LPAR1: variants seen among roughly 807,000 people sequenced by gnomAD.
LPAR1 encodes LPA receptor 1.
A neutral mutation model predicts 23.8 loss-of-function variants in LPAR1; 5 were observed. That is an observed-to-expected ratio of 0.21 (90% CI 0.11 to 0.44). LPAR1 has a LOEUF of 0.44. Among genes scored for constraint, LPAR1 ranks in the 20% least tolerant of loss-of-function variants. The pLI is 0.99. For missense variants in LPAR1, 311 were observed against 482.8 expected, an observed-to-expected ratio of 0.64 and a Z score of 3.33; for synonymous variants, 160 against 164.7, an observed-to-expected ratio of 0.97 and a Z score of 0.22.
chr9:110,992,689 C>G (rs2096919629), intron 2 of LPAR1, among the ~76,000 whole-genome samples: 1 of 151,826 alleles, frequency 6.6e-6, no homozygotes, highest in Admixed American at 6.6e-5. Context: ...ATAATACTAT[C>G]TATCACTCTC....
chr9:110,932,659 G>C (rs1418197009), intron 5 of LPAR1, among the ~76,000 whole-genome samples: 3 of 152,260 alleles, frequency 2.0e-5, no homozygotes, highest in African/African-American at 7.2e-5. Flanking sequence ...ATTACTGCTT[G>C]AGCTCTGCCT....
chr9:111,024,826 T>C (rs1302743337), intron 2 of LPAR1, among the ~76,000 whole-genome samples: 1 of 152,062 alleles, frequency 6.6e-6, no homozygotes, highest in Admixed American at 6.5e-5. Flanking sequence ...TTGTGTTAGT[T>C]TGCTGAGAAT....
At chr9:110,877,240 G>A (rs1350275515) in intron 5 of LPAR1, among the ~76,000 whole-genome samples, 1 of 152,168 alleles carries the variant, frequency 6.6e-6, no homozygotes, top group Non-Finnish European at 1.5e-5. Flanking sequence ...TTTCAGCAGG[G>A]AAATGAAAAT....
At chr9:110,959,308 G>A (rs553581634) in intron 4 of LPAR1, among the ~76,000 whole-genome samples, 1 of 151,890 alleles carries the variant, frequency 6.6e-6, no homozygotes, top group East Asian at 1.9e-4. Context: ...GGGAGGAAAG[G>A]AGGAAAGGAG....
intron 5 of LPAR1, among the ~76,000 whole-genome samples, chr9:110,921,651 T>C (rs1338909813): frequency 6.6e-6 from 1 of 152,206 alleles, no homozygotes; most frequent in Non-Finnish European, 1.5e-5. Flanking sequence ...CTGTTTCAAA[T>C]ACATTTTCCG....
At chr9:110,993,466 G>A (rs1644911118) in intron 2 of LPAR1, among the ~76,000 whole-genome samples, 1 of 152,116 alleles carries the variant, frequency 6.6e-6, no homozygotes, top group Admixed American at 6.6e-5. Flanking sequence ...TCCAAGGGCA[G>A]CCCAACGCAG....
intron 5 of LPAR1, among the ~76,000 whole-genome samples, chr9:110,907,916 A>AAC (rs35043548): frequency 0.17 from 23,835 of 139,562 alleles, 1,917 homozygotes; most frequent in Middle Eastern, 0.21. Flanking sequence ...CCTTTGACAA[A>AAC]ACACACACAC....
At chr9:110,912,349 C>A (rs1588279365) in intron 5 of LPAR1, among the ~76,000 whole-genome samples, 1 of 152,152 alleles carries the variant, frequency 6.6e-6, no homozygotes. Flanking sequence ...ATTCTGATTT[C>A]TTTACAAATG....
At chr9:110,980,747 T>C (rs2096650025) in intron 2 of LPAR1, among the ~76,000 whole-genome samples, 2 of 151,972 alleles carry the variant, frequency 1.3e-5, no homozygotes. Flanking sequence ...CAACAATTTA[T>C]TGTATTTTTT....
intron 5 of LPAR1, among the ~76,000 whole-genome samples, chr9:110,931,854 G>C (rs1478054946): frequency 2.0e-5 from 3 of 152,194 alleles, no homozygotes; most frequent in African/African-American, 7.2e-5. Context: ...TTATTTCTGA[G>C]GGCTCTGTTC....
chr9:111,020,836 A>T (rs572127058), intron 2 of LPAR1, among the ~76,000 whole-genome samples: 138 of 152,256 alleles, frequency 9.1e-4, no homozygotes, highest in Middle Eastern at 3.4e-3. Context: ...ACAACAAATT[A>T]AAAAAATCAA....
chr9:110,940,679 G>A (rs745694761), intron 5 of LPAR1, among the ~76,000 whole-genome samples: 6 of 152,178 alleles, frequency 3.9e-5, no homozygotes, highest in African/African-American at 1.2e-4. Context: ...AGCACAGAGC[G>A]TAGAACATAG....
intron 2 of LPAR1, among the ~76,000 whole-genome samples, chr9:110,975,993 T>C (rs1408729403): frequency 6.6e-6 from 1 of 152,132 alleles, no homozygotes; most frequent in Non-Finnish European, 1.5e-5. Flanking sequence ...AGTCTTAAAA[T>C]TATATCATGA....
intron 2 of LPAR1, among the ~76,000 whole-genome samples, chr9:111,006,100 G>A (rs1473228669): frequency 1.3e-5 from 2 of 152,196 alleles, no homozygotes; most frequent in South Asian, 4.1e-4. Flanking sequence ...AGGAATTAAT[G>A]AAGGCATATA....
At chr9:110,891,013 C>T (rs1455497144) in intron 5 of LPAR1, among the ~76,000 whole-genome samples, 1 of 152,048 alleles carries the variant, frequency 6.6e-6, no homozygotes, top group Non-Finnish European at 1.5e-5. Flanking sequence ...AAGTATTCCA[C>T]TAATATAAGG....
intron 5 of LPAR1, among the ~76,000 whole-genome samples, chr9:110,881,960 C>G (rs2080996754): frequency 6.6e-6 from 1 of 152,154 alleles, no homozygotes; most frequent in African/African-American, 2.4e-5. Flanking sequence ...TCACACAGAC[C>G]AAGCCCATTT....
At chr9:110,945,021 T>C (rs1481646971) in intron 4 of LPAR1, among the ~76,000 whole-genome samples, 1 of 152,132 alleles carries the variant, frequency 6.6e-6, no homozygotes, top group Non-Finnish European at 1.5e-5. Flanking sequence ...TGGGAGGGTA[T>C]AATATGCCTG....
intron 4 of LPAR1, among the ~76,000 whole-genome samples, chr9:110,963,216 C>T (rs896770587): frequency 6.6e-6 from 1 of 152,194 alleles, no homozygotes; most frequent in African/African-American, 2.4e-5. Flanking sequence ...ACAATTTCAT[C>T]TTATGAATAG....
At chr9:111,021,063 T>C (rs1008572880) in intron 2 of LPAR1, among the ~76,000 whole-genome samples, 1 of 152,168 alleles carries the variant, frequency 6.6e-6, no homozygotes, top group Non-Finnish European at 1.5e-5. Flanking sequence ...ACTGAATATA[T>C]TGAATTACAA....
Sources: gnomAD v4.1 joint callset for allele counts (sites outside exome capture counted in the v4.1 genomes callset) on GRCh38, gnomAD v4.1.1 for gene constraint, MANE v1.5 for transcripts, NCBI Gene and HGNC (gene_info 2026-07-23, HGNC 2026-07-21) for gene names.